GLI3: variants seen among roughly 807,000 people sequenced by gnomAD.
GLI3 encodes the protein GLI family zinc finger 3, also known as transcription activator GLI3.
A neutral mutation model predicts 100.8 loss-of-function variants in GLI3; 20 were observed. The observed-to-expected ratio is 0.20, with a 90% CI of 0.14 to 0.29. GLI3 has a LOEUF of 0.29. Among genes scored for constraint, GLI3 ranks in the 10% least tolerant of loss-of-function variants. The pLI is 1.00. For missense variants in GLI3, 2,040 were observed against 2,128.5 expected, an observed-to-expected ratio of 0.96 and a Z score of 0.82; for synonymous variants, 938 against 860.5, an observed-to-expected ratio of 1.09 and a Z score of -1.58.
intron 3 of GLI3, among the ~76,000 whole-genome samples, chr7:42,100,614 C>T (rs926910249): frequency 4.0e-5 from 6 of 151,862 alleles, no homozygotes; most frequent in Non-Finnish European, 5.9e-5. Context: ...TGGTGGTGCA[C>T]GCCTGTAGTC....
intron 1 of GLI3, among the ~76,000 whole-genome samples, chr7:42,245,005 A>G (rs1475979182): frequency 6.6e-6 from 1 of 152,218 alleles, no homozygotes; most frequent in Non-Finnish European, 1.5e-5. Flanking sequence ...ATGGGCAAGG[A>G]GACTTGTGTT....
chr7:42,240,032 TTC>T (rs1788908667), upstream of GLI3, among the ~76,000 whole-genome samples: 1 of 152,012 alleles, frequency 6.6e-6, no homozygotes, highest in Admixed American at 6.5e-5. Flanking sequence ...CCCTAAGCCT[TTC>T]TCTCTTTCCC....
chr7:42,125,396 C>T (rs559524701), intron 3 of GLI3, among the ~76,000 whole-genome samples: 31 of 152,274 alleles, frequency 2.0e-4, no homozygotes, highest in Non-Finnish European at 4.1e-4. Context: ...TCTGCTCCCC[C>T]AAGTCTTGCT....
chr7:42,230,528 T>G (rs1583664837), intron 1 of GLI3, among the ~76,000 whole-genome samples: 1 of 152,254 alleles, frequency 6.6e-6, no homozygotes, highest in Non-Finnish European at 1.5e-5. Context: ...ACTGAAAAGC[T>G]TATTTGACAT....
In GLI3 at chr7:41,972,652, T is replaced by C; in HGVS notation, c.1813-25A>G. 2 of 1,593,904 alleles carry C rather than the reference T, an allele frequency of 1.3e-6. No individual in the cohort carries two copies. Among genetic ancestry groups the C allele is most frequent in the Non-Finnish European group, 1.7e-6 (2 of 1,174,046 alleles). ...TCTGCCAAATCCCACAAGAACGAGG[T>C]AAGAGATTGTTATGAAAGAGACTAT... is the stretch of plus-strand genomic sequence containing the variant. On this transcript the variant is annotated intron_variant, in intron 12 of 14. Transcript: ENST00000395925. This position sits in a 1 kb window ranked among gnomAD's most constrained non-coding sequence, Gnocchi z 4.4.
chr7:42,105,543 G>A (rs1048185369), intron 3 of GLI3, among the ~76,000 whole-genome samples: 1 of 152,160 alleles, frequency 6.6e-6, no homozygotes, highest in Non-Finnish European at 1.5e-5. Context: ...CCGTGGGGAA[G>A]GAGAAAGAAA....
chr7:42,099,447 A>G (rs1785412010), intron 3 of GLI3, among the ~76,000 whole-genome samples: 1 of 152,266 alleles, frequency 6.6e-6, no homozygotes, highest in South Asian at 2.1e-4. Context: ...AACAGTAAAC[A>G]TATTTGTAAT....
At position 42,026,400 on chromosome 7, in the gene GLI3, G is replaced by C; in HGVS notation, c.1041C>G (p.Ser347Arg). 6.2e-7 allele frequency: 1 copy of C among 1,614,042 alleles called. No individual in the cohort carries two copies. The highest frequency in any genetic ancestry group is 1.1e-5 in the South Asian group (1 of 91,066). The stretch of plus-strand genomic sequence containing the variant: ...AGACGGGCGCGGAAGAGTAGGTGAA[G>C]CTCAAGGCAGGGCTGCACGGGGGAG... The part of the protein sequence containing the change: ...LSASAISPAL[S>R]FTYSSAPVSL... Residue 347 changes from serine to arginine, a missense_variant, in exon 8 of 15, where the codon AGC (serine) becomes AGG (arginine). Ser to Arg is a moderately radical substitution (Grantham distance 110, BLOSUM62 -1). Transcript: ENST00000395925.
chr7:42,179,969 A>T (rs57734857), intron 2 of GLI3, among the ~76,000 whole-genome samples: 45,101 of 152,138 alleles, frequency 0.3, 8,858 homozygotes, highest in African/African-American at 0.57. Context: ...GGGAGAGAGC[A>T]GGGCTGGAAG....
intron 2 of GLI3, among the ~76,000 whole-genome samples, chr7:42,182,656 A>ATATATATATATATATACATG (rs1554337009): frequency 1.9e-5 from 1 of 53,700 alleles, no homozygotes; most frequent in Non-Finnish European, 3.5e-5. Flanking sequence ...ATATATATAT[A>ATATATATATATATATACATG]TATATATATA....
In GLI3 at chr7:41,965,306, T is replaced by A; in HGVS notation, c.3767A>T (p.Asn1256Ile). 2 of 1,613,960 alleles carry A rather than the reference T, an allele frequency of 1.2e-6. No individual in the cohort carries two copies. Among genetic ancestry groups the A allele is most frequent in the Non-Finnish European group, 1.7e-6 (2 of 1,179,932 alleles). The change falls in exon 15 of 15, where the codon AAC (asparagine) becomes ATC (isoleucine). Residue 1256 changes from asparagine (N) to isoleucine (I), a missense_variant. Physicochemically the swap from Asn to Ile is moderately radical, Grantham distance 149. Coordinates refer to ENST00000395925, the MANE Select transcript of GLI3 (RefSeq NM_000168.6). ...EQPCKAPQYG[N>I]CLNRQPVAPG... ...GGCCACTGGCTGCCTGTTGAGACAG[T>A]TCCCATACTGCGGGGCCTTACAGGG...
chr7:42,023,912 A>C (rs1023928143), intron 9 of GLI3, among the ~76,000 whole-genome samples: 5 of 152,206 alleles, frequency 3.3e-5, no homozygotes, highest in African/African-American at 9.7e-5. Context: ...CTAAAAAAAA[A>C]CCCAAAACAA....
chr7:42,227,005 C>A (rs1264471017), intron 1 of GLI3, among the ~76,000 whole-genome samples: 1 of 152,098 alleles, frequency 6.6e-6, no homozygotes, highest in East Asian at 1.9e-4. Context: ...AGTAGCTCCA[C>A]GACACTTTTA....
At chr7:42,230,325 C>G (rs1303554412) in intron 1 of GLI3, among the ~76,000 whole-genome samples, 3 of 152,194 alleles carry the variant, frequency 2.0e-5, no homozygotes, top group Admixed American at 2.0e-4. Context: ...TTCAATCTTT[C>G]TTTCCTACAT....
chr7:42,214,217 G>A (rs2041046), intron 2 of GLI3, among the ~76,000 whole-genome samples: 5 of 152,116 alleles, frequency 3.3e-5, no homozygotes, highest in African/African-American at 1.2e-4. Flanking sequence ...CTTTGAGAGG[G>A]AACAAAAGAA....
At chr7:42,132,195 G>A (rs1191785060) in intron 3 of GLI3, among the ~76,000 whole-genome samples, 2 of 151,814 alleles carry the variant, frequency 1.3e-5, no homozygotes, top group African/African-American at 4.8e-5. Flanking sequence ...CCGCCTCCTG[G>A]GTTCACGCCA....
At chr7:42,128,039 G>GA (rs1786179741) in intron 3 of GLI3, among the ~76,000 whole-genome samples, 1 of 148,532 alleles carries the variant, frequency 6.7e-6, no homozygotes, top group East Asian at 2.0e-4. Flanking sequence ...AAAAGAAAAA[G>GA]AAAAAAGGAA....
rs377561828 is a variant in GLI3, at chr7:42,137,612, G to A, written c.367+10614C>T. ...CCTAAGGCACAACATTCCTACCCAA[G>A]TCTCTCTCTAGCACATCACCTGGTT... On this transcript the variant is annotated intron_variant, in intron 3 of 14. Transcript: ENST00000395925. Among the ~76,000 whole-genome samples, 19 of 152,194 alleles carry A rather than the reference G, an allele frequency of 1.2e-4. No individual in the cohort carries two copies. The East Asian group carries it at 2.1e-3, about 17-fold the overall frequency.
rs751373757 is a variant in GLI3 at position 41,965,438 on chromosome 7, C to A, written c.3635G>T (p.Gly1212Val). The change falls in exon 15 of 15, where the codon GGC (glycine) becomes GTC (valine). Residue 1212 changes from glycine (G) to valine (V), a missense_variant. Transcript: ENST00000395925. ...GCTGTTCTCCCCGAGGGTCTGATAG[C>A]CCCCAGCAGGCCCGCTCCTCAAGGG... ...QNPLRSGPAGGYQTLGENSNP... is the reference protein window; with the variant it reads ...QNPLRSGPAGVYQTLGENSNP... The A allele has an allele frequency of 6.2e-7, 1 of 1,607,546 alleles. No homozygotes were observed. Among genetic ancestry groups the A allele is most frequent in the Non-Finnish European group, 8.5e-7 (1 of 1,176,854 alleles).
Sources: allele counts gnomAD v4.1 joint callset (sites outside exome capture counted in the v4.1 genomes callset), GRCh38; gene constraint gnomAD v4.1.1; non-coding constraint Gnocchi (gnomAD v3.1); transcripts MANE v1.5; gene names NCBI Gene and HGNC (gene_info 2026-07-23, HGNC 2026-07-21).